The following PRICKLE2 variants were observed in gnomAD, a reference collection of about 807,000 sequenced individuals.
The protein encoded by PRICKLE2 is prickle planar cell polarity protein 2.
Under a neutral mutation model 81.4 loss-of-function variants are expected in PRICKLE2, and 21 were observed. The ratio of observed to expected loss-of-function variants is 0.26; its 90% confidence interval spans 0.18 to 0.37. PRICKLE2 has a LOEUF of 0.37. Ranked by LOEUF, PRICKLE2 falls within the 10% of genes least tolerant of loss-of-function variation. PRICKLE2 has a pLI of 1.00. For synonymous variants in PRICKLE2, 456 were observed against 421.5 expected (o/e 1.08, Z -1.00); for missense variants, 940 against 1,109.0 (o/e 0.85, Z 2.16).
chr3:64,197,385 T>C (rs1205511498), intron 2 of PRICKLE2, among the ~76,000 whole-genome samples: 11 of 152,216 alleles, frequency 7.2e-5, no homozygotes. Context: ...CAACAATGTA[T>C]AAGCGTTCCT....
intron 5 of PRICKLE2, chr3:64,155,003 G>T (rs148621099): frequency 6.6e-6 from 1 of 151,912 alleles, no homozygotes; most frequent in Non-Finnish European, 1.5e-5. Flanking sequence ...ACAAAAATCA[G>T]CTGGGCATGG....
intron 7 of PRICKLE2, among the ~76,000 whole-genome samples, chr3:64,142,345 T>A (rs1438403235): frequency 6.8e-6 from 1 of 147,804 alleles, no homozygotes; most frequent in Non-Finnish European, 1.5e-5. Flanking sequence ...AGAGTTTTGC[T>A]CTGTCAAAAG....
At chr3:64,125,134 G>T (rs780596543) in intron 7 of PRICKLE2, among the ~76,000 whole-genome samples, 5 of 152,162 alleles carry the variant, frequency 3.3e-5, no homozygotes, top group African/African-American at 1.2e-4. Context: ...TAGATTGCAG[G>T]TATAGTGGAA....
intron 2 of PRICKLE2, among the ~76,000 whole-genome samples, chr3:64,258,150 C>T (rs146756891): frequency 2.0e-5 from 3 of 150,750 alleles, no homozygotes; most frequent in Admixed American, 6.6e-5. Flanking sequence ...TTATAAGAAA[C>T]TGTCATGTTG....
chr3:64,249,873 G>A, intron 2 of PRICKLE2, among the ~76,000 whole-genome samples: 1 of 152,200 alleles, frequency 6.6e-6, no homozygotes, highest in Admixed American at 6.5e-5. Flanking sequence ...TTTTACTAGA[G>A]AGCATGCATT....
At chr3:64,267,462 T>C (rs773350252) in intron 2 of PRICKLE2, among the ~76,000 whole-genome samples, 7 of 152,112 alleles carry the variant, frequency 4.6e-5, no homozygotes, top group Non-Finnish European at 7.4e-5. Context: ...TGTTTTAAAG[T>C]AGATCTTCCT....
intron 1 of PRICKLE2, chr3:64,200,549 G>C (rs2078552973): frequency 6.6e-6 from 1 of 152,010 alleles, no homozygotes; most frequent in East Asian, 1.9e-4. Context: ...TGACCTCCTG[G>C]GCTCAAGCGA....
Position 64,213,326 on chromosome 3 carries a change from G to A in PRICKLE2, c.-41+11584C>T, listed in dbSNP as rs537169909. 5.3e-5 allele frequency among the ~76,000 whole-genome samples: 8 copies of A among 152,136 alleles called. No individual in the cohort carries two copies. In the South Asian group the frequency reaches 8.3e-4, roughly 16 times the overall value. ...ACTCCTGACCTCAGGTAATCCACCC[G>A]CCTTGGCCTCCCAAAGTGTTGGGAT... On this transcript the variant is annotated intron_variant, in intron 1 of 7. Coordinates refer to ENST00000638394, the MANE Select transcript of PRICKLE2 (RefSeq NM_198859.4).
At chr3:64,159,156 G>A (rs1027013071) in intron 4 of PRICKLE2, among the ~76,000 whole-genome samples, 6 of 152,110 alleles carry the variant, frequency 3.9e-5, no homozygotes, top group South Asian at 2.1e-4. Flanking sequence ...AATCTTGAAC[G>A]CAGTGAGGTC....
At chr3:64,237,063 G>C (rs1281383267) in intron 2 of PRICKLE2, among the ~76,000 whole-genome samples, 2 of 152,110 alleles carry the variant, frequency 1.3e-5, no homozygotes, top group Admixed American at 1.3e-4. Context: ...GGAGCACGCA[G>C]GTGAGTGGGT....
intron 7 of PRICKLE2, among the ~76,000 whole-genome samples, chr3:64,123,114 C>A (rs2106970905): frequency 1.3e-5 from 2 of 152,254 alleles, no homozygotes; most frequent in African/African-American, 2.4e-5. Context: ...ACTGATCCAG[C>A]CATTAGAAGG....
intron 7 of PRICKLE2, among the ~76,000 whole-genome samples, chr3:64,107,567 C>T (rs2076776265): frequency 6.6e-6 from 1 of 152,156 alleles, no homozygotes; most frequent in Admixed American, 6.5e-5. Flanking sequence ...CATTACCAGG[C>T]ACGGTGGCTC....
chr3:64,159,912 C>G (rs938266516), intron 4 of PRICKLE2, 28 bp downstream of exon 4: 4 of 1,613,850 alleles, frequency 2.5e-6, no homozygotes, highest in Non-Finnish European at 3.4e-6. Context: ...AGAACAATGC[C>G]TCTTCACTCC....
At chr3:64,195,538 T>A (rs1009742899) in intron 2 of PRICKLE2, among the ~76,000 whole-genome samples, 3 of 152,194 alleles carry the variant, frequency 2.0e-5, no homozygotes, top group Non-Finnish European at 4.4e-5. Context: ...ACAAAGCATT[T>A]TTACACTCAC....
intron 2 of PRICKLE2, among the ~76,000 whole-genome samples, chr3:64,173,606 G>C (rs1240266808): frequency 6.6e-6 from 1 of 152,188 alleles, no homozygotes; most frequent in African/African-American, 2.4e-5. Context: ...TCTGTCAGAA[G>C]CTTAAATGGC....
At chr3:64,225,984 G>A (rs1195111251), upstream of PRICKLE2, among the ~76,000 whole-genome samples, 3 of 151,202 alleles carry the variant, frequency 2.0e-5, no homozygotes, top group Non-Finnish European at 4.4e-5. Flanking sequence ...TGTGCACCTC[G>A]AAATAAAGCA....
At chr3:64,244,145 A>G (rs4688436) in intron 2 of PRICKLE2, among the ~76,000 whole-genome samples, 76,395 of 152,118 alleles carry the variant, frequency 0.5, 21,235 homozygotes, top group Non-Finnish European at 0.61. Context: ...CAACCCTTAT[A>G]GCATTTGGGA....
At chr3:64,226,394 C>T (rs1212136814), upstream of PRICKLE2, among the ~76,000 whole-genome samples, 1 of 152,140 alleles carries the variant, frequency 6.6e-6, no homozygotes, top group Admixed American at 6.5e-5. Flanking sequence ...CCTTTCCTTC[C>T]TGCTAGCAGT....
intron 2 of PRICKLE2, among the ~76,000 whole-genome samples, chr3:64,236,871 C>T (rs1204174820): frequency 6.6e-6 from 1 of 152,200 alleles, no homozygotes; most frequent in African/African-American, 2.4e-5. Context: ...ACCAGGAGTG[C>T]TCAGTAAGTG....
Sources: allele counts gnomAD v4.1 joint callset (sites outside exome capture counted in the v4.1 genomes callset), GRCh38; gene constraint gnomAD v4.1.1; transcripts MANE v1.5; gene names NCBI Gene and HGNC (gene_info 2026-07-23, HGNC 2026-07-21).